TOB1: variants seen among roughly 807,000 people sequenced by gnomAD.
TOB1 encodes the protein transducer of ERBB2, 1.
TOB1 carries 2 observed loss-of-function variants against 22.9 expected under a neutral mutation model. The observed-to-expected ratio is 0.09, with a 90% CI of 0.04 to 0.28. The LOEUF (loss-of-function observed/expected upper bound fraction) is 0.28, where lower values mean the gene tolerates loss of function less well. Among genes scored for constraint, TOB1 ranks in the 10% least tolerant of loss-of-function variants. The pLI is 1.00. For synonymous variants in TOB1, 154 were observed against 150.6 expected, an observed-to-expected ratio of 1.02 and a Z score of -0.17; for missense variants, 299 against 420.5, an observed-to-expected ratio of 0.71 and a Z score of 2.53.
chr17:50,864,126 T>C lies in TOB1; in HGVS notation c.-109A>G. On this transcript the variant is annotated 5_prime_UTR_variant, in exon 2 of 2. It adds an upstream start codon to the 5' untranslated region. Transcript: ENST00000499247. ...AACAAATTTTCATTCAAAGTGCTGG[T>C]ATTAGTAGATTATCCTTCACCTTGA... 3 of 1,418,046 alleles carry C rather than the reference T, an allele frequency of 2.1e-6. No homozygotes were observed. The highest frequency in any genetic ancestry group is 2.7e-6 in the Non-Finnish European group (3 of 1,096,080). 87.8% of individuals were successfully genotyped at this position (1,418,046 alleles called of 1,614,324 possible).
Position 50,863,262 on chromosome 17 carries a change from TGGCGGTGGC to T in TOB1, c.747_755del (p.Pro254_Pro256del). 6.2e-7 allele frequency: 1 copy of T among 1,612,794 alleles called. No individual in the cohort carries two copies. The highest frequency in any genetic ancestry group is 8.5e-7 in the Non-Finnish European group (1 of 1,179,018). ...GTTGTTGCTGCTGTGGTGGTGGTGG[TGGCGGTGGC>T]GGCTGGGCTGGCTGCTGCTGTTGCT... On this transcript the variant is annotated inframe_deletion, in exon 2 of 2. Transcript: ENST00000499247.
At chr17:50,865,325 G>A (rs755783487) in intron 1 of TOB1, among the ~76,000 whole-genome samples, 9 of 152,202 alleles carry the variant, frequency 5.9e-5, no homozygotes, top group Non-Finnish European at 1.0e-4. Context: ...TTGCTTGAAG[G>A]TGCAGCCGAG....
chr17:50,867,194 T>A (rs1280911220), upstream of TOB1: 1 of 152,208 alleles, frequency 6.6e-6, no homozygotes, highest in African/African-American at 2.4e-5. Flanking sequence ...GTGCCCAGAG[T>A]GTGGCGACAC....
chr17:50,867,598 A>G (rs1170556254), upstream of TOB1: 1 of 152,164 alleles, frequency 6.6e-6, no homozygotes, highest in Non-Finnish European at 1.5e-5. Flanking sequence ...GGAAAAGGGG[A>G]AAGTCTGGGG....
Position 50,863,693 on chromosome 17 carries a change from C to T in TOB1, c.325G>A (p.Val109Met). The T allele has an allele frequency of 6.2e-7, 1 of 1,614,198 alleles. No individual in the cohort carries two copies. Among genetic ancestry groups the T allele is most frequent in the Non-Finnish European group, 8.5e-7 (1 of 1,180,040 alleles). Reference protein sequence around the residue: ...VSYQIGEKGPVKVLYVDDNNE... With the variant: ...VSYQIGEKGPMKVLYVDDNNE... Reference sequence around the variant, plus strand: ...TTATCATCCACGTAAAGCACCTTCACTGGTCCCTTTTCACCAATTTGGTAA... The same window carrying T: ...TTATCATCCACGTAAAGCACCTTCATTGGTCCCTTTTCACCAATTTGGTAA... Residue 109 changes from valine (V) to methionine (M), a missense_variant, in exon 2 of 2, where the codon GTG becomes ATG. Transcript: ENST00000499247.
intron 1 of TOB1, among the ~76,000 whole-genome samples, chr17:50,865,666 C>A (rs1247893964): frequency 6.6e-6 from 1 of 152,120 alleles, no homozygotes; most frequent in East Asian, 1.9e-4. Flanking sequence ...CCCGTGGCCC[C>A]CGCCCCGGGC....
At chr17:50,864,284 A>G (rs1972264326) in intron 1 of TOB1, 121 bp from the exon 2 acceptor site, 2 of 417,368 alleles carry the variant, frequency 4.8e-6, no homozygotes, top group Non-Finnish European at 7.2e-6. Flanking sequence ...TCTGCTAAGG[A>G]TAAAAAGAAA....
At position 50,862,590 on chromosome 17, in the gene TOB1, T is replaced by C. The variant is rs1305216382; in HGVS notation, c.*390A>G. ...CACAGATCACTGTAGTAAAAAGATA[T>C]AAATGCAATACCATGTCGTAGAAAC... On this transcript the variant is annotated 3_prime_UTR_variant, in exon 2 of 2. Coordinates refer to ENST00000499247, the MANE Select transcript of TOB1 (RefSeq NM_005749.4). 1 of 158,770 alleles carries C rather than the reference T, an allele frequency of 6.3e-6. No individual in the cohort carries two copies. Among genetic ancestry groups the C allele is most frequent in the African/African-American group, 2.4e-5 (1 of 41,636 alleles). 9.8% of individuals were successfully genotyped at this position (158,770 alleles called of 1,614,324 possible).
chr17:50,863,389 C>T lies in TOB1; in HGVS notation c.629G>A (p.Gly210Asp), dbSNP rs775169717. 1 of 1,614,038 alleles carries T rather than the reference C, an allele frequency of 6.2e-7. No individual in the cohort carries two copies. Residue 210 changes from glycine to aspartate, a missense_variant, in exon 2 of 2, where the codon GGC becomes GAC. Coordinates refer to ENST00000499247, the MANE Select transcript of TOB1 (RefSeq NM_005749.4). ...KVARTSPINL[G>D]LNVNDLLKQK... ...CTTCAAGAGGTCATTCACATTCAAGCCGAGGTTGATGGGAGAAGTACGTGC... is the reference window on the plus strand; with the variant it reads ...CTTCAAGAGGTCATTCACATTCAAGTCGAGGTTGATGGGAGAAGTACGTGC...
intron 1 of TOB1, 65 bp from the exon 2 acceptor site, chr17:50,864,228 C>G: frequency 1.1e-6 from 1 of 924,588 alleles, no homozygotes; most frequent in Non-Finnish European, 1.4e-6. Flanking sequence ...ACCTTCCCCC[C>G]TCCAAAGTAA....
In TOB1 at chr17:50,864,128, TTAG is replaced by T. The variant is rs942192322; in HGVS notation, c.-114_-112del. The stretch of plus-strand genomic sequence containing the variant: ...CAAATTTTCATTCAAAGTGCTGGTA[TTAG>T]TAGATTATCCTTCACCTTGAGTGAT... On this transcript the variant is annotated 5_prime_UTR_variant, in exon 2 of 2. Coordinates refer to ENST00000499247, the MANE Select transcript of TOB1 (RefSeq NM_005749.4). 2 of 1,417,770 alleles carry T rather than the reference TTAG, an allele frequency of 1.4e-6. No individual in the cohort carries two copies. The highest frequency in any genetic ancestry group is 1.8e-6 in the Non-Finnish European group (2 of 1,095,240). 87.8% of individuals were successfully genotyped at this position (1,417,770 alleles called of 1,614,324 possible).
upstream of TOB1, chr17:50,867,573 G>GTCAAA (rs1248006470): frequency 1.3e-5 from 2 of 152,220 alleles, no homozygotes; most frequent in African/African-American, 4.8e-5. Context: ...GGAGACCGAC[G>GTCAAA]TCAAACTCGG....
Position 50,863,417 on chromosome 17 carries a change from C to A in TOB1, c.601G>T (p.Val201Phe), listed in dbSNP as rs61756253. ...KMKNSGRSNK[V>F]ARTSPINLGL... ...AGGTTGATGGGAGAAGTACGTGCAACCTTGTTGCTACGGCCACTATTCTTC... is the reference window on the plus strand; with the variant it reads ...AGGTTGATGGGAGAAGTACGTGCAAACTTGTTGCTACGGCCACTATTCTTC... The change falls in exon 2 of 2, where the codon GTT (valine) becomes TTT (phenylalanine). Residue 201 changes from valine (V) to phenylalanine (F), a missense_variant. Val to Phe is a conservative substitution (Grantham distance 50). Transcript: ENST00000499247. 7.4e-6 allele frequency: 12 copies of A among 1,614,010 alleles called. No homozygotes were observed. The highest frequency in any genetic ancestry group is 9.3e-6 in the Non-Finnish European group (11 of 1,180,046).
In TOB1 at chr17:50,863,678, C is replaced by T. The variant is rs757887823; in HGVS notation, c.340G>A (p.Val114Met). 4.1e-5 allele frequency: 66 copies of T among 1,614,004 alleles called. No homozygotes were observed. Among genetic ancestry groups the T allele is most frequent in the African/African-American group, 1.1e-4 (8 of 74,890 alleles). The change falls in exon 2 of 2, where the codon GTG (valine) becomes ATG (methionine). Residue 114 changes from valine (V) to methionine (M), a missense_variant. By Grantham distance (21) the Val-to-Met change is conservative. Transcript: ENST00000499247. ...GEKGPVKVLY[V>M]DDNNENGCEL... ...CATCCATTTTCATTATTATCATCCA[C>T]GTAAAGCACCTTCACTGGTCCCTTT...
chr17:50,863,262 T>G lies in TOB1; in HGVS notation c.756A>C (p.Pro252=), dbSNP rs767413048. The stretch of plus-strand genomic sequence containing the variant: ...GTTGTTGCTGCTGTGGTGGTGGTGG[T>G]GGCGGTGGCGGCTGGGCTGGCTGCT... ...QQQQPAQPPP[P]PPPPQQQQQQ... Residue 252 remains proline, a synonymous_variant, in exon 2 of 2, where the codon CCA becomes CCC. Coordinates refer to ENST00000499247, the MANE Select transcript of TOB1 (RefSeq NM_005749.4). The G allele has an allele frequency of 6.2e-7, 1 of 1,612,794 alleles. No individual in the cohort carries two copies. Among genetic ancestry groups the G allele is most frequent in the Non-Finnish European group, 8.5e-7 (1 of 1,179,018 alleles).
rs367693614 is a variant in TOB1 at position 50,863,168 on chromosome 17, T to C, written c.850A>G (p.Ser284Gly). ...FIFPNMQGQG[S>G]STNGMFPGDS... ...CCTGGGAACATTCCATTGGTACTAC[T>C]ACCTTGACCCTGCATATTAGGAAAA... The change falls in exon 2 of 2, where the codon AGT becomes GGT. Residue 284 changes from serine to glycine, a missense_variant. Transcript: ENST00000499247. The C allele has an allele frequency of 1.2e-5, 20 of 1,614,072 alleles. No homozygotes were observed. Among genetic ancestry groups the C allele is most frequent in the Non-Finnish European group, 1.6e-5 (19 of 1,180,040 alleles).
chr17:50,866,611 C>G (rs1413172569), upstream of TOB1: 1 of 152,400 alleles, frequency 6.6e-6, no homozygotes, highest in Admixed American at 6.5e-5. Context: ...CTCCGGGCTC[C>G]AGGAGGGCCA....
In TOB1 at chr17:50,862,761, G is replaced by C; in HGVS notation, c.*219C>G. On this transcript the variant is annotated 3_prime_UTR_variant, in exon 2 of 2. Transcript: ENST00000499247. Reference sequence around the variant, plus strand: ...TTGCTATATCTTAAATACTGTAAGAGGCCATATCTGAGAGTATACTTTAAA... The same window carrying C: ...TTGCTATATCTTAAATACTGTAAGACGCCATATCTGAGAGTATACTTTAAA... 5.4e-6 allele frequency: 3 copies of C among 559,720 alleles called. No homozygotes were observed. Among genetic ancestry groups the C allele is most frequent in the Non-Finnish European group, 8.4e-6 (3 of 358,174 alleles). The allele number at this position is 559,720 out of a possible 1,614,324, so 34.7% of individuals were successfully genotyped here.
chr17:50,865,627 C>T (rs1381794029), intron 1 of TOB1, among the ~76,000 whole-genome samples: 2 of 152,002 alleles, frequency 1.3e-5, no homozygotes, highest in Non-Finnish European at 2.9e-5. Context: ...CTCCCCTCCC[C>T]CGCCGTAACC....
Sources: gnomAD v4.1 joint callset for allele counts (sites outside exome capture counted in the v4.1 genomes callset) on GRCh38, gnomAD v4.1.1 for gene constraint, MANE v1.5 for transcripts, NCBI Gene and HGNC (gene_info 2026-07-23, HGNC 2026-07-21) for gene names.